The following P2RX4 variants were observed in gnomAD, a reference collection of about 807,000 sequenced individuals.
P2RX4 encodes the protein purinergic receptor P2X 4, also known as P2X purinoceptor 4.
Under a neutral mutation model 48.0 loss-of-function variants are expected in P2RX4, and 37 were observed. That is an observed-to-expected ratio of 0.77 (90% CI 0.59 to 1.01). P2RX4 has a LOEUF of 1.01. Ranked by LOEUF, P2RX4 falls within the 50% of genes least tolerant of loss-of-function variation. P2RX4 has a pLI of 0.00. For synonymous variants in P2RX4, 200 were observed against 199.7 expected, an observed-to-expected ratio of 1.00 and a Z score of -0.01; for missense variants, 501 against 521.4, an observed-to-expected ratio of 0.96 and a Z score of 0.38.
At chr12:121,225,747 C>T (rs1886941715) in intron 5 of P2RX4, among the ~76,000 whole-genome samples, 1 of 152,054 alleles carries the variant, frequency 6.6e-6, no homozygotes, top group African/African-American at 2.4e-5. Flanking sequence ...TGTATAATAT[C>T]TCATTGATTT....
At chr12:121,211,026 CTG>C (rs1295547349) in intron 1 of P2RX4, among the ~76,000 whole-genome samples, 3 of 152,162 alleles carry the variant, frequency 2.0e-5, no homozygotes, top group Non-Finnish European at 4.4e-5. Flanking sequence ...CGAGGTCAGA[CTG>C]TAGCGAGTGT....
In P2RX4 at chr12:121,233,006, C is replaced by T. The variant is rs746476888; in HGVS notation, c.1054C>T (p.Leu352=). The T allele has an allele frequency of 6.2e-7, 1 of 1,611,856 alleles. No homozygotes were observed. The highest frequency in any genetic ancestry group is 2.2e-5 in the East Asian group (1 of 44,866). ...GLALLGMATV[L]CDIIVLYCMK... ...CCTATGCTAAACTCAGGCGACCGTG[C>T]TGTGTGACATCATAGTCCTCTACTG... Residue 352 remains leucine, a synonymous_variant, in exon 11 of 12, where the codon CTG becomes TTG. Coordinates refer to ENST00000337233, the MANE Select transcript of P2RX4 (RefSeq NM_002560.3).
intron 5 of P2RX4, among the ~76,000 whole-genome samples, chr12:121,226,026 A>G (rs1281959134): frequency 2.6e-5 from 4 of 151,852 alleles, no homozygotes; most frequent in Non-Finnish European, 5.9e-5. Flanking sequence ...ACAGGGGCGC[A>G]CCACCATGCC....
chr12:121,229,076 C>G lies in P2RX4; in HGVS notation c.861C>G (p.Asn287Lys). Residue 287 changes from asparagine to lysine, a missense_variant, in exon 8 of 12, where the codon AAC (asparagine) becomes AAG (lysine). Transcript: ENST00000337233. This position sits in a 1 kb window ranked among gnomAD's most constrained non-coding sequence, Gnocchi z 4.6. ...TCGATACACGGGACGTTGAGCACAACGTATCTCCTGGCTACAATTTCAGGT... is the reference window on the plus strand; with the variant it reads ...TCGATACACGGGACGTTGAGCACAAGGTATCTCCTGGCTACAATTTCAGGT... ...RRLDTRDVEH[N>K]VSPGYNFRFA... 2 of 1,614,164 alleles carry G rather than the reference C, an allele frequency of 1.2e-6. No homozygotes were observed. The highest frequency in any genetic ancestry group is 1.7e-6 in the Non-Finnish European group (2 of 1,180,028).
At position 121,229,196 on chromosome 12, in the gene P2RX4, G is replaced by T; in HGVS notation, c.884+97G>T. The T allele has an allele frequency of 6.9e-7, 1 of 1,454,994 alleles. No homozygotes were observed. Among genetic ancestry groups the T allele is most frequent in the Non-Finnish European group, 9.6e-7 (1 of 1,042,470 alleles). 90.1% of individuals were successfully genotyped at this position (1,454,994 alleles called of 1,614,324 possible). On this transcript the variant is annotated intron_variant, in intron 8 of 11. Transcript: ENST00000337233. The surrounding 1 kb of genome is among the most constrained non-coding windows in gnomAD (Gnocchi z 4.6). ...CCCACTGAAGACCAGCACTCAGGCA[G>T]CACCCCAAGGGCAGGCTGCCGGTCC...
chr12:121,212,814 A>ATTTTTTTTTTT, intron 1 of P2RX4: 1 of 31,464 alleles, frequency 3.2e-5, no homozygotes, highest in African/African-American at 1.4e-4. Flanking sequence ...ATATATATAT[A>ATTTTTTTTTTT]TATATATATA....
rs140807787 is a variant in P2RX4, at chr12:121,233,311, C to T, written c.1141-212C>T. ...TTAAACCCAGCCTCGTTTCAATGAG[C>T]GACATCTCAGGTTGGTGATGATAAT... is the stretch of plus-strand genomic sequence containing the variant. On this transcript the variant is annotated intron_variant, in intron 11 of 11. Coordinates refer to ENST00000337233, the MANE Select transcript of P2RX4 (RefSeq NM_002560.3). 3.3e-5 allele frequency: 21 copies of T among 641,064 alleles called. No homozygotes were observed. In the East Asian group the frequency reaches 4.4e-4, roughly 13 times the overall value. 39.7% of individuals were successfully genotyped at this position (641,064 alleles called of 1,614,324 possible). A position where few individuals can be genotyped will look rare whatever the true frequency, so the allele number is the denominator to read the frequency against.
In P2RX4 at chr12:121,219,615, G is replaced by GGATA. The variant is rs60447163; in HGVS notation, c.283-2258_283-2255dup. ...TGGATGGATGGATGGATGGATGGAT[G>GGATA]GATAGATAGATAGATAGATAGATAG... On this transcript the variant is annotated intron_variant, in intron 2 of 11. Coordinates refer to ENST00000337233, the MANE Select transcript of P2RX4 (RefSeq NM_002560.3). Among the ~76,000 whole-genome samples the GGATA allele has an allele frequency of 8.6e-3, 1,208 of 140,564 alleles. 22 individuals carry two copies. Among genetic ancestry groups the GGATA allele is most frequent in the African/African-American group, 0.022 (802 of 35,770 alleles). 92.2% of individuals were successfully genotyped at this position (140,564 alleles called of 152,430 possible). A position where few individuals can be genotyped will look rare whatever the true frequency, so the allele number is the denominator to read the frequency against.
intron 5 of P2RX4, among the ~76,000 whole-genome samples, chr12:121,226,031 C>T (rs117946503): frequency 9.0e-4 from 137 of 152,016 alleles, no homozygotes; most frequent in Non-Finnish European, 1.5e-3. Context: ...GGCGCACCAC[C>T]ATGCCCAGCC....
rs182233763 is a variant in P2RX4, at chr12:121,220,041, G to A, written c.283-1872G>A. Reference sequence around the variant, plus strand: ...TCCAGAAACTCTAAATCAATTATTTGGCACCTTTATACATATAAGGAGGAA... The same window carrying A: ...TCCAGAAACTCTAAATCAATTATTTAGCACCTTTATACATATAAGGAGGAA... On this transcript the variant is annotated intron_variant, in intron 2 of 11. Transcript: ENST00000337233. Among the ~76,000 whole-genome samples, 4 of 152,196 alleles carry A rather than the reference G, an allele frequency of 2.6e-5. No individual in the cohort carries two copies. In the East Asian group the frequency reaches 7.7e-4, roughly 29 times the overall value.
At chr12:121,222,398 G>GTT (rs35562888) in intron 4 of P2RX4, 346 of 423,446 alleles carry the variant, frequency 8.2e-4, no homozygotes, top group South Asian at 1.8e-3. Context: ...GTTTTTTCTT[G>GTT]TTTTTTTTTT....
intron 2 of P2RX4, 139 bp from the exon 3 acceptor site, chr12:121,221,774 T>C: frequency 1.4e-6 from 1 of 714,914 alleles, no homozygotes; most frequent in Non-Finnish European, 2.5e-6. Context: ...TGTTTTCCAT[T>C]GGGTTATAAA....
intron 5 of P2RX4, among the ~76,000 whole-genome samples, chr12:121,226,028 C>T (rs1449639424): frequency 6.6e-6 from 1 of 151,874 alleles, no homozygotes. Flanking sequence ...AGGGGCGCAC[C>T]ACCATGCCCA....
intron 2 of P2RX4, among the ~76,000 whole-genome samples, chr12:121,221,427 C>T (rs1886601385): frequency 7.1e-6 from 1 of 139,938 alleles, no homozygotes; most frequent in Non-Finnish European, 1.6e-5. Context: ...GACAGAGTCT[C>T]GTGTCATCCA....
Position 121,233,897 on chromosome 12 carries a change from C to G in P2RX4, c.*348C>G. 2.8e-6 allele frequency: 1 copy of G among 353,700 alleles called. No homozygotes were observed. Among genetic ancestry groups the G allele is most frequent in the Non-Finnish European group, 5.4e-6 (1 of 186,496 alleles). The allele number at this position is 353,700 out of a possible 1,614,324, so 21.9% of individuals were successfully genotyped here. ...TGTCTCCAGCTCTCTCCAGGACAGGCCCAGTCCTCTGAGGCACGGCGGCTC... is the reference window on the plus strand; with the variant it reads ...TGTCTCCAGCTCTCTCCAGGACAGGGCCAGTCCTCTGAGGCACGGCGGCTC... On this transcript the variant is annotated 3_prime_UTR_variant, in exon 12 of 12. Transcript: ENST00000337233.
intron 2 of P2RX4, among the ~76,000 whole-genome samples, chr12:121,218,057 C>T (rs989622697): frequency 3.9e-5 from 6 of 152,148 alleles, no homozygotes; most frequent in African/African-American, 1.2e-4. Flanking sequence ...AAGCTGCCAA[C>T]TCTTGGCTCA....
chr12:121,229,834 C>T lies in P2RX4; in HGVS notation c.884+735C>T, dbSNP rs112856116. ...AGTCTCTGCCTCTCCTGTCATGAGG[C>T]CTTCTGCCTTGTATGTGTCTCTGTG... is the stretch of plus-strand genomic sequence containing the variant. On this transcript the variant is annotated intron_variant, in intron 8 of 11. Transcript: ENST00000337233. The surrounding 1 kb of genome is among the most constrained non-coding windows in gnomAD (Gnocchi z 4.6). 6.6e-6 allele frequency among the ~76,000 whole-genome samples: 1 copy of T among 152,132 alleles called. No homozygotes were observed. Among genetic ancestry groups the T allele is most frequent in the African/African-American group, 2.4e-5 (1 of 41,428 alleles).
Position 121,223,264 on chromosome 12 carries a change from C to T in P2RX4, c.524+221C>T, listed in dbSNP as rs1054199366. ...TAATTTTTTGTATTTTTAGTAGAGA[C>T]GGGGTTTTGCCATGTTGGCCACGCT... On this transcript the variant is annotated intron_variant, in intron 5 of 11. Coordinates refer to ENST00000337233, the MANE Select transcript of P2RX4 (RefSeq NM_002560.3). 59 of 482,774 alleles carry T rather than the reference C, an allele frequency of 1.2e-4. 1 individual carries two copies. Among genetic ancestry groups the T allele is most frequent in the Middle Eastern group, 1.2e-3 (2 of 1,736 alleles). The allele number at this position is 482,774 out of a possible 1,614,324, so 29.9% of individuals were successfully genotyped here. A position where few individuals can be genotyped will look rare whatever the true frequency, so the allele number is the denominator to read the frequency against.
Position 121,232,521 on chromosome 12 carries a change from A to G in P2RX4, c.978+14A>G. ...GTGTTTGGGAAGGTAGCTCGCCGCC[A>G]CTGGCTCCCCTCCGTCACTCCCTGC... On this transcript the variant is annotated intron_variant, in intron 9 of 11. Transcript: ENST00000337233. The surrounding 1 kb of genome is among the most constrained non-coding windows in gnomAD (Gnocchi z 4.3). 2.5e-6 allele frequency: 4 copies of G among 1,611,554 alleles called. No individual in the cohort carries two copies. Among genetic ancestry groups the G allele is most frequent in the Non-Finnish European group, 3.4e-6 (4 of 1,177,674 alleles).
Sources: allele counts gnomAD v4.1 joint callset (sites outside exome capture counted in the v4.1 genomes callset), GRCh38; gene constraint gnomAD v4.1.1; non-coding constraint Gnocchi (gnomAD v3.1); transcripts MANE v1.5; gene names NCBI Gene and HGNC (gene_info 2026-07-23, HGNC 2026-07-21).